The following XYLB variants were observed in gnomAD, a reference collection of about 807,000 sequenced individuals.
The protein encoded by XYLB is xylulose kinase.
XYLB carries 62 observed loss-of-function variants against 78.7 expected under a neutral mutation model. The ratio of observed to expected loss-of-function variants is 0.79; its 90% CI spans 0.64 to 0.97. The LOEUF (loss-of-function observed/expected upper bound fraction) is 0.97. Ranked by LOEUF, XYLB falls within the 50% of genes least tolerant of loss-of-function variation. XYLB has a pLI of 0.00. For synonymous variants in XYLB, 245 were observed against 247.4 expected, an observed-to-expected ratio of 0.99 and a Z score of 0.09; for missense variants, 687 against 676.8, an observed-to-expected ratio of 1.02 and a Z score of -0.17.
chr3:38,376,636 G>C (rs1706871301), intron 13 of XYLB, among the ~76,000 whole-genome samples: 1 of 152,196 alleles, frequency 6.6e-6, no homozygotes, highest in African/African-American at 2.4e-5. Context: ...GGTCAAACCT[G>C]TTTTGATATT....
At chr3:38,434,379 AG>A in the XYLB span, among the ~76,000 whole-genome samples, 1 of 152,210 alleles carries the variant, frequency 6.6e-6, no homozygotes, top group South Asian at 2.1e-4. Context: ...TGGATTTCTC[AG>A]CAGAAACCTT....
chr3:38,400,096 A>G (rs1460927081), intron 17 of XYLB, among the ~76,000 whole-genome samples: 1 of 152,170 alleles, frequency 6.6e-6, no homozygotes, highest in East Asian at 1.9e-4. Context: ...ATCTGACGCT[A>G]CTACCTACCT....
At chr3:38,388,548 A>T (rs1446348484) in intron 15 of XYLB, among the ~76,000 whole-genome samples, 2 of 152,182 alleles carry the variant, frequency 1.3e-5, no homozygotes, top group African/African-American at 4.8e-5. Context: ...AAAGTCTAGA[A>T]GCCTATATAA....
intron 16 of XYLB, among the ~76,000 whole-genome samples, chr3:38,395,909 C>T (rs763675769): frequency 6.6e-6 from 1 of 152,214 alleles, no homozygotes; most frequent in South Asian, 2.1e-4. Context: ...ATGTAACCAT[C>T]GCTGATTCTC....
At chr3:38,450,202 A>C in the XYLB span, among the ~76,000 whole-genome samples, 1 of 152,220 alleles carries the variant, frequency 6.6e-6, no homozygotes, top group Non-Finnish European at 1.5e-5. Flanking sequence ...GGCCTCTCAG[A>C]AACTGAGAGA....
chr3:38,443,499 T>TTCTG, the XYLB span, among the ~76,000 whole-genome samples: 2 of 152,342 alleles, frequency 1.3e-5, no homozygotes, highest in Middle Eastern at 6.8e-3. Flanking sequence ...CTGCTCTATT[T>TTCTG]TCTGTCCTCT....
Position 38,360,340 on chromosome 3 carries a change from A to G in XYLB, c.142A>G (p.Thr48Ala), listed in dbSNP as rs200253546. 8.3e-5 allele frequency: 134 copies of G among 1,613,718 alleles called. No individual in the cohort carries two copies. The highest frequency in any genetic ancestry group is 1.6e-4 in the Middle Eastern group (1 of 6,082). Residue 48 changes from threonine to alanine, a missense_variant and splice_region_variant, in exon 3 of 19, where the codon ACT becomes GCT. By Grantham distance (58) the Thr-to-Ala change is moderately conservative (BLOSUM62 0). Transcript: ENST00000207870. Reference sequence around the variant, plus strand: ...CTACATTCTCTGTTGTTCTTGCAGGACTCAGGGTGGTGTTCATGTGCACAA... The same window carrying G: ...CTACATTCTCTGTTGTTCTTGCAGGGCTCAGGGTGGTGTTCATGTGCACAA... ...HFDRDLPEFG[T>A]QGGVHVHKDG...
chr3:38,396,260 C>T (rs1707864055), intron 16 of XYLB, among the ~76,000 whole-genome samples: 1 of 152,178 alleles, frequency 6.6e-6, no homozygotes, highest in Non-Finnish European at 1.5e-5. Context: ...CAGGGCAGTG[C>T]AGAGGAAGAA....
intron 5 of XYLB, 117 bp from the exon 6 acceptor site, chr3:38,365,491 G>A (rs1706204420): frequency 1.3e-6 from 2 of 1,513,644 alleles, no homozygotes; most frequent in Non-Finnish European, 1.8e-6. Context: ...CTCCAACCAA[G>A]GTCACCTGGG....
Position 38,355,756 on chromosome 3 carries a change from C to A in XYLB, c.141-4583C>A, listed in dbSNP as rs1705612017. On this transcript the variant is annotated intron_variant, in intron 2 of 18. Coordinates refer to ENST00000207870, the MANE Select transcript of XYLB (RefSeq NM_005108.4). Reference sequence around the variant, plus strand: ...TGGGTGTCCAGAGCAACCTTGGAAGCACATGTGGAACATGACAGAGCCACC... The same window carrying A: ...TGGGTGTCCAGAGCAACCTTGGAAGAACATGTGGAACATGACAGAGCCACC... 4.3e-6 allele frequency: 3 copies of A among 703,630 alleles called. No homozygotes were observed. The East Asian group carries it at 8.0e-5, about 19-fold the overall frequency. The allele number at this position is 703,630 out of a possible 1,614,324, so 43.6% of individuals were successfully genotyped here. A position where few individuals can be genotyped will look rare whatever the true frequency, so the allele number is the denominator to read the frequency against.
chr3:38,374,776 G>A (rs971417128), intron 11 of XYLB, among the ~76,000 whole-genome samples: 1 of 152,192 alleles, frequency 6.6e-6, no homozygotes, highest in Non-Finnish European at 1.5e-5. Context: ...TGCATGCAGT[G>A]GCAGAGGGTC....
At chr3:38,436,599 A>G in the XYLB span, among the ~76,000 whole-genome samples, 1,637 of 152,324 alleles carry the variant, frequency 0.011, 15 homozygotes, top group Middle Eastern at 0.031. Context: ...TACCAAAACC[A>G]GAAAAGGCCA....
downstream of XYLB, among the ~76,000 whole-genome samples, chr3:38,419,149 CTT>C (rs913822892): frequency 6.6e-6 from 1 of 152,086 alleles, no homozygotes; most frequent in African/African-American, 2.4e-5. Flanking sequence ...CATGTTTCCT[CTT>C]GTTTCTGGCT....
At chr3:38,448,029 C>A in the XYLB span, among the ~76,000 whole-genome samples, 1 of 151,420 alleles carries the variant, frequency 6.6e-6, no homozygotes, top group African/African-American at 2.4e-5. Context: ...CCAGCCTGGG[C>A]AACATAGTGA....
chr3:38,432,523 C>T, the XYLB span, among the ~76,000 whole-genome samples: 12 of 152,022 alleles, frequency 7.9e-5, no homozygotes, highest in African/African-American at 2.4e-4. Flanking sequence ...GCTGAGATTG[C>T]GACCCTGCAC....
At chr3:38,401,715 G>A (rs1448694019) in intron 18 of XYLB, among the ~76,000 whole-genome samples, 2 of 152,126 alleles carry the variant, frequency 1.3e-5, no homozygotes, top group Non-Finnish European at 2.9e-5. Flanking sequence ...TATAGCTAAA[G>A]CAGTCTCCAA....
At chr3:38,391,091 C>T (rs528136006) in intron 15 of XYLB, among the ~76,000 whole-genome samples, 10 of 152,080 alleles carry the variant, frequency 6.6e-5, no homozygotes, top group Middle Eastern at 3.4e-3. Flanking sequence ...TGGTGGCGGA[C>T]GCTTATAGCC....
chr3:38,355,339 T>C (rs1705591703), intron 2 of XYLB, among the ~76,000 whole-genome samples: 2 of 152,236 alleles, frequency 1.3e-5, no homozygotes, highest in South Asian at 4.1e-4. Context: ...TACCGTTAAC[T>C]GACTGCAGAT....
the XYLB span, among the ~76,000 whole-genome samples, chr3:38,427,691 C>T: frequency 1.3e-5 from 2 of 152,284 alleles, no homozygotes; most frequent in East Asian, 1.9e-4. Context: ...CCTCCCAGTT[C>T]AAGCAATTCT....
Sources: allele counts gnomAD v4.1 joint callset (sites outside exome capture counted in the v4.1 genomes callset), GRCh38; gene constraint gnomAD v4.1.1; transcripts MANE v1.5; gene names NCBI Gene and HGNC (gene_info 2026-07-23, HGNC 2026-07-21).